GBE1: variants seen among roughly 807,000 people sequenced by gnomAD.
The protein encoded by GBE1 is 1,4-alpha-glucan-branching enzyme.
Under a neutral mutation model 88.8 loss-of-function variants are expected in GBE1, and 70 were observed. The ratio of observed to expected loss-of-function variants is 0.79; its 90% confidence interval spans 0.65 to 0.96. The LOEUF is 0.96. Ranked by LOEUF, GBE1 falls within the 40% of genes least tolerant of loss-of-function variation. The pLI is 0.00. For synonymous variants in GBE1, 284 were observed against 300.1 expected, an observed-to-expected ratio of 0.95 and a Z score of 0.56; for missense variants, 872 against 871.0, an observed-to-expected ratio of 1.00 and a Z score of -0.01.
chr3:81,727,555 G>A (rs970911827), intron 1 of GBE1, among the ~76,000 whole-genome samples: 30 of 152,138 alleles, frequency 2.0e-4, no homozygotes, highest in African/African-American at 7.2e-4. Context: ...GGCTTTTAGT[G>A]CACTGAACAA....
chr3:81,644,200 C>T (rs1704734146), intron 6 of GBE1, among the ~76,000 whole-genome samples: 1 of 152,048 alleles, frequency 6.6e-6, no homozygotes, highest in African/African-American at 2.4e-5. Flanking sequence ...ATGGAATTTA[C>T]ATTCCCATTG....
chr3:81,505,634 T>G (rs1702642434), intron 14 of GBE1, among the ~76,000 whole-genome samples: 2 of 152,184 alleles, frequency 1.3e-5, no homozygotes, highest in South Asian at 2.1e-4. Context: ...ACTTTCAGTT[T>G]CTTTCTCTAG....
intron 12 of GBE1, among the ~76,000 whole-genome samples, chr3:81,572,314 A>G (rs1486230016): frequency 6.6e-6 from 1 of 152,186 alleles, no homozygotes; most frequent in Non-Finnish European, 1.5e-5. Flanking sequence ...ATGGACTAAT[A>G]AAAGAATGAA....
intron 1 of GBE1, among the ~76,000 whole-genome samples, chr3:81,715,247 G>A (rs1035922811): frequency 6.6e-6 from 1 of 152,112 alleles, no homozygotes; most frequent in Non-Finnish European, 1.5e-5. Context: ...CATCAGCTCA[G>A]GTGTCTATCA....
At chr3:81,684,329 C>T (rs1705400766) in intron 2 of GBE1, among the ~76,000 whole-genome samples, 1 of 152,182 alleles carries the variant, frequency 6.6e-6, no homozygotes, top group Admixed American at 6.5e-5. Flanking sequence ...ACAACTCAGG[C>T]TGCTATAACA....
intron 2 of GBE1, among the ~76,000 whole-genome samples, chr3:81,691,935 C>G (rs1246248685): frequency 1.3e-5 from 2 of 152,122 alleles, no homozygotes; most frequent in African/African-American, 4.8e-5. Context: ...GGATCTGTAA[C>G]GAGTTGACGG....
In GBE1 at chr3:81,760,746, G is replaced by A. The variant is rs189297604; in HGVS notation, c.143+629C>T. On this transcript the variant is annotated intron_variant, in intron 1 of 15. Coordinates refer to ENST00000429644, the MANE Select transcript of GBE1 (RefSeq NM_000158.4). The stretch of plus-strand genomic sequence containing the variant: ...CCTGACCTTTCTCCCTCTTCAAGAT[G>A]GTTAAAGTCACACACGGACAAATGT... 2.1e-3 allele frequency among the ~76,000 whole-genome samples: 323 copies of A among 152,264 alleles called. 1 individual carries two copies. Among genetic ancestry groups the A allele is most frequent in the South Asian group, 3.5e-3 (17 of 4,826 alleles).
At chr3:81,562,018 G>A (rs1703425630) in intron 12 of GBE1, among the ~76,000 whole-genome samples, 1 of 152,036 alleles carries the variant, frequency 6.6e-6, no homozygotes, top group Non-Finnish European at 1.5e-5. Context: ...GGTGCTTTAT[G>A]CAGATCTTGA....
In GBE1 at chr3:81,668,603, C is replaced by T. The variant is rs1050534761; in HGVS notation, c.429+2235G>A. Among the ~76,000 whole-genome samples, 44 of 151,992 alleles carry T rather than the reference C, an allele frequency of 2.9e-4. 1 individual carries two copies. Among genetic ancestry groups the T allele is most frequent in the Middle Eastern group, 3.2e-3 (1 of 316 alleles). ...ACTTGAGCTAACAAAGCAAAAAAATCGATGAGCTGTTTATTCTTATCTTTT... is the reference window on the plus strand; with the variant it reads ...ACTTGAGCTAACAAAGCAAAAAAATTGATGAGCTGTTTATTCTTATCTTTT... On this transcript the variant is annotated intron_variant, in intron 3 of 15. Transcript: ENST00000429644.
At chr3:81,703,962 T>G (rs910385650) in intron 2 of GBE1, among the ~76,000 whole-genome samples, 1 of 151,962 alleles carries the variant, frequency 6.6e-6, no homozygotes, top group African/African-American at 2.4e-5. Context: ...ATCCTTGGAT[T>G]TTGGTATCCA....
chr3:81,761,276 G>T, intron 1 of GBE1, 99 bp downstream of exon 1: 1 of 1,455,542 alleles, frequency 6.9e-7, no homozygotes, highest in Non-Finnish European at 9.2e-7. Context: ...GCCTGGGGCG[G>T]GGTTGGCGCG....
At chr3:81,698,539 A>AG (rs1705637246) in intron 2 of GBE1, among the ~76,000 whole-genome samples, 1 of 152,240 alleles carries the variant, frequency 6.6e-6, no homozygotes. Context: ...TTAATTCAAA[A>AG]TACTTTTTAA....
intron 15 of GBE1, among the ~76,000 whole-genome samples, chr3:81,493,759 C>A (rs1311618055): frequency 3.3e-5 from 5 of 151,770 alleles, no homozygotes; most frequent in South Asian, 4.2e-4. Flanking sequence ...TGGTCTCGAA[C>A]TCCCGACCTC....
At chr3:81,532,006 T>C (rs1449549650) in intron 14 of GBE1, among the ~76,000 whole-genome samples, 1 of 151,494 alleles carries the variant, frequency 6.6e-6, no homozygotes, top group Non-Finnish European at 1.5e-5. Context: ...CAGCAATGAG[T>C]TCCAATGCAA....
chr3:81,508,290 A>T (rs1702681269), intron 14 of GBE1, among the ~76,000 whole-genome samples: 1 of 152,152 alleles, frequency 6.6e-6, no homozygotes, highest in South Asian at 2.1e-4. Context: ...AAAAAATGTC[A>T]CTGTTTCTCA....
chr3:81,508,840 T>C (rs1306168190), intron 14 of GBE1, among the ~76,000 whole-genome samples: 1 of 152,088 alleles, frequency 6.6e-6, no homozygotes, highest in Non-Finnish European at 1.5e-5. Flanking sequence ...GCATTCTAAT[T>C]CCAGTCCTAC....
At chr3:81,572,737 C>T (rs538706919) in intron 12 of GBE1, among the ~76,000 whole-genome samples, 4 of 152,012 alleles carry the variant, frequency 2.6e-5, no homozygotes, top group South Asian at 2.1e-4. Flanking sequence ...TTCTATGTAG[C>T]GTTTAATAAG....
chr3:81,750,155 A>G (rs1706477003), intron 1 of GBE1, among the ~76,000 whole-genome samples: 1 of 152,162 alleles, frequency 6.6e-6, no homozygotes, highest in Non-Finnish European at 1.5e-5. Flanking sequence ...GCAAAAAGCA[A>G]ACAGGTAAAC....
intron 1 of GBE1, among the ~76,000 whole-genome samples, chr3:81,756,286 T>A (rs1415883200): frequency 6.6e-6 from 1 of 152,200 alleles, no homozygotes; most frequent in Non-Finnish European, 1.5e-5. Context: ...GATTGTCACA[T>A]GAAACCTCTA....
Sources: allele counts gnomAD v4.1 joint callset (sites outside exome capture counted in the v4.1 genomes callset), GRCh38; gene constraint gnomAD v4.1.1; transcripts MANE v1.5; gene names NCBI Gene and HGNC (gene_info 2026-07-23, HGNC 2026-07-21).